INTS9: variants seen among roughly 807,000 people sequenced by gnomAD.
INTS9 encodes integrator complex subunit 9.
A neutral mutation model predicts 79.7 loss-of-function variants in INTS9; 55 were observed. That is an observed-to-expected ratio of 0.69 (90% CI 0.56 to 0.86). INTS9 has a LOEUF of 0.86. Among genes scored for constraint, INTS9 ranks in the 40% least tolerant of loss-of-function variants. The pLI, the probability that INTS9 is intolerant of heterozygous loss-of-function variation, is 0.00. For missense variants in INTS9, 721 were observed against 831.5 expected (o/e 0.87, Z 1.64); for synonymous variants, 319 against 325.2 (o/e 0.98, Z 0.20).
At position 28,767,759 on chromosome 8, in the gene INTS9, G is replaced by A. The variant is rs920711647; in HGVS notation, c.*387C>T. 1.6e-5 allele frequency: 4 copies of A among 253,964 alleles called. No individual in the cohort carries two copies. The highest frequency in any genetic ancestry group is 3.1e-5 in the Non-Finnish European group (4 of 129,088). The allele number at this position is 253,964 out of a possible 1,614,324, so 15.7% of individuals were successfully genotyped here. The stretch of plus-strand genomic sequence containing the variant: ...TATTTTGGGATCATCATCTTATTGC[G>A]TACAGCACTGTAGGCAAGTAAACGA... On this transcript the variant is annotated 3_prime_UTR_variant, in exon 17 of 17. Transcript: ENST00000521022.
chr8:28,881,485 T>C (rs1008675026), intron 1 of INTS9, among the ~76,000 whole-genome samples: 4 of 24,938 alleles, frequency 1.6e-4, no homozygotes, highest in Non-Finnish European at 1.5e-4. Flanking sequence ...GAGGGGGGGG[T>C]CAGCCCCCCG....
At chr8:28,788,000 T>TC (rs1585353608) in intron 10 of INTS9, 111 bp from the exon 11 acceptor site, 1 of 564,334 alleles carries the variant, frequency 1.8e-6, no homozygotes. Flanking sequence ...TTTAAAAATT[T>TC]CCCGCCAGTG....
chr8:28,835,980 T>C (rs998969950), intron 5 of INTS9, among the ~76,000 whole-genome samples: 1 of 152,076 alleles, frequency 6.6e-6, no homozygotes, highest in Non-Finnish European at 1.5e-5. Flanking sequence ...AGCTAATTTT[T>C]TGTATTTTTA....
At chr8:28,854,394 G>A (rs17059506) in intron 2 of INTS9, among the ~76,000 whole-genome samples, 24,693 of 151,956 alleles carry the variant, frequency 0.16, 2,416 homozygotes, top group East Asian at 0.47. Context: ...ACAGGGGTAC[G>A]CAGGAGGTGC....
intron 3 of INTS9, 107 bp downstream of exon 3, chr8:28,850,105 GA>G (rs76248890): frequency 0.26 from 157,327 of 602,788 alleles, 238 homozygotes; most frequent in East Asian, 0.31. Context: ...TTTCAGAGAG[GA>G]AAAAAAAAAA....
Position 28,889,856 on chromosome 8 carries a change from C to T in INTS9, c.9+18G>A. 2 of 1,613,882 alleles carry T rather than the reference C, an allele frequency of 1.2e-6. No homozygotes were observed. The highest frequency in any genetic ancestry group is 1.7e-6 in the Non-Finnish European group (2 of 1,179,874). ...TATAGCATCACCTTTGCCCTCTGAC[C>T]TAGGAGCGAAGACTCACCAGTTTCA... On this transcript the variant is annotated intron_variant, in intron 1 of 16. Coordinates refer to ENST00000521022, the MANE Select transcript of INTS9 (RefSeq NM_018250.4).
chr8:28,881,697 G>A (rs2131380546), intron 1 of INTS9, among the ~76,000 whole-genome samples: 1 of 143,274 alleles, frequency 7.0e-6, no homozygotes, highest in Non-Finnish European at 1.6e-5. Context: ...CCGTCCGGGA[G>A]GGAGGTGGGG....
intron 4 of INTS9, among the ~76,000 whole-genome samples, chr8:28,838,425 T>C (rs1806951556): frequency 6.6e-6 from 1 of 151,962 alleles, no homozygotes; most frequent in African/African-American, 2.4e-5. Flanking sequence ...AAAAGACAGG[T>C]TAGCATGTGA....
At chr8:28,794,032 G>C (rs748800771) in intron 9 of INTS9, 45 bp from the exon 10 acceptor site, 7 of 1,415,936 alleles carry the variant, frequency 4.9e-6, no homozygotes, top group Non-Finnish European at 6.6e-6. Context: ...ATATCAAAAG[G>C]GCAGTGTTAT....
intron 1 of INTS9, among the ~76,000 whole-genome samples, chr8:28,875,192 C>A (rs1809312779): frequency 6.6e-6 from 1 of 152,154 alleles, no homozygotes. Flanking sequence ...ACAGATCCAA[C>A]CATATCAGTA....
At chr8:28,839,814 G>A (rs1291660443) in intron 4 of INTS9, among the ~76,000 whole-genome samples, 2 of 150,562 alleles carry the variant, frequency 1.3e-5, no homozygotes, top group Non-Finnish European at 3.0e-5. Flanking sequence ...AGACTTAAAC[G>A]TTAGACCTAA....
At chr8:28,885,206 T>C (rs1270550057) in intron 1 of INTS9, among the ~76,000 whole-genome samples, 1 of 152,228 alleles carries the variant, frequency 6.6e-6, no homozygotes, top group Non-Finnish European at 1.5e-5. Context: ...CTGAAGAATG[T>C]ATTTCGTGGC....
At chr8:28,822,569 G>A (rs1391861151) in intron 6 of INTS9, among the ~76,000 whole-genome samples, 1 of 151,992 alleles carries the variant, frequency 6.6e-6, no homozygotes, top group Non-Finnish European at 1.5e-5. Flanking sequence ...AAATTGAAAG[G>A]GCCCACTAAG....
intron 4 of INTS9, among the ~76,000 whole-genome samples, chr8:28,838,300 G>C (rs78958903): frequency 0.01 from 1,548 of 151,588 alleles, 26 homozygotes; most frequent in African/African-American, 0.035. Flanking sequence ...TATAGAGCCC[G>C]CCCTAAAAAG....
chr8:28,791,439 G>A (rs1031768343), intron 10 of INTS9, among the ~76,000 whole-genome samples: 1 of 152,072 alleles, frequency 6.6e-6, no homozygotes, highest in African/African-American at 2.4e-5. Context: ...GTCTTGGCTT[G>A]TGTTATCCTC....
intron 11 of INTS9, among the ~76,000 whole-genome samples, chr8:28,785,644 T>G (rs1803540762): frequency 6.6e-6 from 1 of 152,214 alleles, no homozygotes; most frequent in Non-Finnish European, 1.5e-5. Context: ...TTCCTTTTAG[T>G]GGAGAATGGT....
chr8:28,778,018 C>T, intron 12 of INTS9, 65 bp from the exon 13 acceptor site: 4 of 1,496,800 alleles, frequency 2.7e-6, no homozygotes, highest in Non-Finnish European at 3.6e-6. Context: ...AGCCAGACAG[C>T]AACTGGGGCG....
chr8:28,795,683 C>T (rs1199416908), intron 9 of INTS9, among the ~76,000 whole-genome samples: 1 of 149,030 alleles, frequency 6.7e-6, no homozygotes, highest in Non-Finnish European at 1.5e-5. Context: ...GGAAGAGACA[C>T]CAGAGCTTCC....
intron 14 of INTS9, among the ~76,000 whole-genome samples, chr8:28,773,868 G>A (rs1428383627): frequency 2.0e-5 from 3 of 152,142 alleles, no homozygotes; most frequent in South Asian, 2.1e-4. Flanking sequence ...TGTCATCCAC[G>A]TAGGAGTGCG....
Sources: gnomAD v4.1 joint callset for allele counts (sites outside exome capture counted in the v4.1 genomes callset) on GRCh38, gnomAD v4.1.1 for gene constraint, MANE v1.5 for transcripts, NCBI Gene and HGNC (gene_info 2026-07-23, HGNC 2026-07-21) for gene names.